The following CDC42SE2 variants were observed in gnomAD, a reference collection of about 807,000 sequenced individuals.
CDC42SE2 encodes the protein CDC42 small effector 2.
A neutral mutation model predicts 11.5 loss-of-function variants in CDC42SE2; 3 were observed. The observed-to-expected ratio is 0.26, with a 90% CI of 0.12 to 0.67. The LOEUF (loss-of-function observed/expected upper bound fraction) is 0.67, where lower values mean the gene tolerates loss of function less well. Among genes scored for constraint, CDC42SE2 ranks in the 30% least tolerant of loss-of-function variants. The probability of loss-of-function intolerance (pLI) is 0.80; values close to 1 mark genes in which losing one functional copy is unlikely to be tolerated. For missense variants in CDC42SE2, 82 were observed against 106.8 expected (o/e 0.77, Z 1.02); for synonymous variants, 33 against 34.8 (o/e 0.95, Z 0.18).
At chr5:131,258,674 G>C (rs996600768) in intron 2 of CDC42SE2, among the ~76,000 whole-genome samples, 2 of 152,112 alleles carry the variant, frequency 1.3e-5, no homozygotes, top group African/African-American at 2.4e-5. Flanking sequence ...CACACCACGA[G>C]AGGTGTGCAA....
At chr5:131,261,036 C>T (rs1756720743), upstream of CDC42SE2, among the ~76,000 whole-genome samples, 1 of 152,236 alleles carries the variant, frequency 6.6e-6, no homozygotes, top group Non-Finnish European at 1.5e-5. Flanking sequence ...ATTGCAGAAT[C>T]AGGCCAATGT....
intron 1 of CDC42SE2, among the ~76,000 whole-genome samples, chr5:131,271,169 G>A (rs1169910699): frequency 6.6e-6 from 1 of 152,132 alleles, no homozygotes; most frequent in African/African-American, 2.4e-5. Context: ...GGTTCACTTT[G>A]CCCAGGGTGA....
chr5:131,275,365 C>T (rs1451331387), intron 1 of CDC42SE2, among the ~76,000 whole-genome samples: 3 of 149,514 alleles, frequency 2.0e-5, no homozygotes, highest in East Asian at 2.0e-4. Flanking sequence ...GGTGTGATCT[C>T]GGCTCACTGC....
rs1438881529 is a variant in CDC42SE2, at chr5:131,316,923, C to T, written c.-286+779C>T. 2.0e-5 allele frequency among the ~76,000 whole-genome samples: 3 copies of T among 152,144 alleles called. No homozygotes were observed. The East Asian group carries it at 5.8e-4, about 29-fold the overall frequency. ...CAAAGCCATGTTTTTTAGTGTCGCA[C>T]ACATTTCTACTTGATCATGTTCTTT... On this transcript the variant is annotated intron_variant, in intron 2 of 4. Coordinates refer to ENST00000505065, the MANE Select transcript of CDC42SE2 (RefSeq NM_001375635.1).
intron 2 of CDC42SE2, among the ~76,000 whole-genome samples, chr5:131,344,747 C>T (rs1169036623): frequency 6.6e-6 from 1 of 152,210 alleles, no homozygotes; most frequent in Non-Finnish European, 1.5e-5. Flanking sequence ...GGAGACACAT[C>T]CCAGTAGGGG....
At chr5:131,363,929 A>G (rs1749783366) in intron 3 of CDC42SE2, among the ~76,000 whole-genome samples, 1 of 152,004 alleles carries the variant, frequency 6.6e-6, no homozygotes, top group African/African-American at 2.4e-5. Context: ...TCCTGACCTC[A>G]AATGATCCTC....
intron 1 of CDC42SE2, among the ~76,000 whole-genome samples, chr5:131,307,960 G>A (rs1580744244): frequency 6.6e-6 from 1 of 152,230 alleles, no homozygotes; most frequent in East Asian, 1.9e-4. Flanking sequence ...GTAGATTCTG[G>A]ATATTAGCCC....
intron 3 of CDC42SE2, among the ~76,000 whole-genome samples, chr5:131,378,406 TCACTGGCATCATAGAAAAAAAATACC>T (rs1750217837): frequency 7.3e-6 from 1 of 136,698 alleles, no homozygotes; most frequent in Non-Finnish European, 1.5e-5. Context: ...GGAATCACTG[TCACTGGCATCATAGAAAAAAAATACC>T]CACTTGTTTT....
chr5:131,352,660 TAAA>T (rs1172314798), intron 2 of CDC42SE2, among the ~76,000 whole-genome samples: 8 of 152,228 alleles, frequency 5.3e-5, no homozygotes, highest in Admixed American at 2.6e-4. Context: ...AAGATCATCT[TAAA>T]ATAAGTTAAT....
the CDC42SE2 span, among the ~76,000 whole-genome samples, chr5:131,224,678 A>T: frequency 2.6e-5 from 4 of 152,236 alleles, no homozygotes; most frequent in African/African-American, 9.6e-5. Context: ...GACAGCTGCT[A>T]TCATTCATCT....
intron 1 of CDC42SE2, among the ~76,000 whole-genome samples, chr5:131,249,546 A>G (rs1756623291): frequency 1.3e-5 from 2 of 152,258 alleles, no homozygotes; most frequent in Admixed American, 1.3e-4. Flanking sequence ...TAATAAATAT[A>G]GCAGGAAGAA....
intron 1 of CDC42SE2, among the ~76,000 whole-genome samples, chr5:131,283,719 C>G (rs1178816786): frequency 6.6e-6 from 1 of 151,948 alleles, no homozygotes; most frequent in Non-Finnish European, 1.5e-5. Flanking sequence ...TCTTGAACTC[C>G]CGACCTCAGG....
intron 1 of CDC42SE2, among the ~76,000 whole-genome samples, chr5:131,269,600 C>G (rs1756949612): frequency 6.6e-6 from 1 of 151,920 alleles, no homozygotes. Context: ...CTTGTCTTTA[C>G]TAAAAATACA....
At chr5:131,361,484 GT>G (rs1749706317) in intron 3 of CDC42SE2, among the ~76,000 whole-genome samples, 1 of 152,182 alleles carries the variant, frequency 6.6e-6, no homozygotes, top group South Asian at 2.1e-4. Context: ...GAGCTGTGGG[GT>G]TCTGACCCCA....
the CDC42SE2 span, among the ~76,000 whole-genome samples, chr5:131,211,044 G>C: frequency 6.6e-6 from 1 of 152,160 alleles, no homozygotes; most frequent in Non-Finnish European, 1.5e-5. Flanking sequence ...TGCCATGTAG[G>C]CTAGGCCATC....
chr5:131,220,494 C>T, the CDC42SE2 span, among the ~76,000 whole-genome samples: 7 of 152,276 alleles, frequency 4.6e-5, no homozygotes, highest in East Asian at 1.9e-4. Flanking sequence ...CATGAGCCAG[C>T]GCTCCTGGCC....
chr5:131,343,851 A>T (rs1758770576), intron 2 of CDC42SE2, among the ~76,000 whole-genome samples: 1 of 152,190 alleles, frequency 6.6e-6, no homozygotes, highest in Admixed American at 6.5e-5. Flanking sequence ...TGGGAGAAGA[A>T]ATGTGGATAT....
At chr5:131,270,620 C>T (rs1170632013) in intron 1 of CDC42SE2, among the ~76,000 whole-genome samples, 1 of 152,160 alleles carries the variant, frequency 6.6e-6, no homozygotes, top group African/African-American at 2.4e-5. Flanking sequence ...AAAACTCTCC[C>T]TGTAGACTAA....
chr5:131,357,302 T>G (rs1186371288), intron 2 of CDC42SE2, among the ~76,000 whole-genome samples: 1 of 152,244 alleles, frequency 6.6e-6, no homozygotes, highest in Non-Finnish European at 1.5e-5. Context: ...TTTTCCTGTA[T>G]GTTAGAGGAC....
Sources: allele counts gnomAD v4.1 joint callset (sites outside exome capture counted in the v4.1 genomes callset), GRCh38; gene constraint gnomAD v4.1.1; transcripts MANE v1.5; gene names NCBI Gene and HGNC (gene_info 2026-07-23, HGNC 2026-07-21).